Variants in QPRT observed in about 807,000 individuals in gnomAD.
QPRT encodes the protein nicotinate-nucleotide pyrophosphorylase [carboxylating].
A neutral mutation model predicts 19.8 loss-of-function variants in QPRT; 17 were observed. That is an observed-to-expected ratio of 0.86 (90% CI 0.59 to 1.29). QPRT has a LOEUF of 1.29. Among genes scored for constraint, QPRT ranks in the 50% most tolerant of loss-of-function variants. The pLI is 0.00. For synonymous variants in QPRT, 178 were observed against 191.0 expected (o/e 0.93, Z 0.56); for missense variants, 336 against 405.1 (o/e 0.83, Z 1.46).
chr16:29,679,453 A>C (rs1281612524), intron 1 of QPRT, among the ~76,000 whole-genome samples: 1 of 152,104 alleles, frequency 6.6e-6, no homozygotes, highest in Non-Finnish European at 1.5e-5. Context: ...AAGGGGCTTA[A>C]GCCCTAGAAA....
At chr16:29,692,008 C>CGTGCTTGTGCGT (rs1233063689) in intron 1 of QPRT, among the ~76,000 whole-genome samples, 1 of 152,142 alleles carries the variant, frequency 6.6e-6, no homozygotes, top group Non-Finnish European at 1.5e-5. Context: ...GCTGTGTGCG[C>CGTGCTTGTGCGT]GTGCTTGTGC....
intron 1 of QPRT, among the ~76,000 whole-genome samples, chr16:29,687,690 T>G (rs1567329365): frequency 6.6e-6 from 1 of 152,038 alleles, no homozygotes; most frequent in East Asian, 1.9e-4. Flanking sequence ...GTGAGTCTAC[T>G]TTTATTGCCA....
In QPRT at chr16:29,698,642, G is replaced by C. The variant is rs1967626296; in HGVS notation, c.*1231G>C. The C allele has an allele frequency of 6.6e-6, 1 of 152,212 alleles. No individual in the cohort carries two copies. The highest frequency in any genetic ancestry group is 1.5e-5 in the Non-Finnish European group (1 of 68,044). The allele number at this position is 152,212 out of a possible 1,614,324, so 9.4% of individuals were successfully genotyped here. A position where few individuals can be genotyped will look rare whatever the true frequency, so the allele number is the denominator to read the frequency against. On this transcript the variant is annotated 3_prime_UTR_variant, in exon 4 of 4. Coordinates refer to ENST00000395384, the MANE Select transcript of QPRT (RefSeq NM_014298.6). ...AAGAATTTCTTTTTCAGGGATCTCA[G>C]CTATTAAGATGCAAGTCTGCCAATG...
chr16:29,679,124 AC>A, upstream of QPRT: 2 of 1,612,214 alleles, frequency 1.2e-6, no homozygotes, highest in Non-Finnish European at 1.7e-6. Context: ...CCACAGTCCC[AC>A]CCCCAGCCTG....
chr16:29,695,087 T>C lies in QPRT; in HGVS notation c.437T>C (p.Leu146Pro), dbSNP rs1199594326. 3.1e-6 allele frequency: 5 copies of C among 1,605,612 alleles called. No individual in the cohort carries two copies. Among genetic ancestry groups the C allele is most frequent in the Middle Eastern group, 1.7e-4 (1 of 6,046 alleles). ...GTRKTTPGFRLVEKYGLLVGG... is the reference protein window; with the variant it reads ...GTRKTTPGFRPVEKYGLLVGG... ...AGGAAGACCACGCCAGGCTTCCGGC[T>C]GGTGGAGAAGTATGGGCTCCTGGTG... The change falls in exon 2 of 4, where the codon CTG becomes CCG. Residue 146 changes from leucine to proline, a missense_variant. Physicochemically the swap from Leu to Pro is moderately conservative, Grantham distance 98. Transcript: ENST00000395384.
intron 1 of QPRT, among the ~76,000 whole-genome samples, chr16:29,682,727 A>T (rs926400743): frequency 5.3e-5 from 8 of 151,952 alleles, no homozygotes; most frequent in African/African-American, 1.9e-4. Context: ...TTTTACTACA[A>T]CCACAATACT....
At chr16:29,684,515 A>AT (rs1462577731) in intron 1 of QPRT, among the ~76,000 whole-genome samples, 5 of 151,792 alleles carry the variant, frequency 3.3e-5, no homozygotes, top group African/African-American at 7.3e-5. Context: ...CCGGAGTTCA[A>AT]TTTTTGTATT....
chr16:29,694,141 C>T lies in QPRT; in HGVS notation c.14-523C>T, dbSNP rs951119563. 3.2e-4 allele frequency among the ~76,000 whole-genome samples: 47 copies of T among 148,306 alleles called. 1 individual carries two copies. The highest frequency in any genetic ancestry group is 4.7e-4 in the Admixed American group (7 of 14,972). On this transcript the variant is annotated intron_variant, in intron 1 of 3. Coordinates refer to ENST00000395384, the MANE Select transcript of QPRT (RefSeq NM_014298.6). The stretch of plus-strand genomic sequence containing the variant: ...AGAAGTTTAATTTTTTTTTTTGAGA[C>T]GGAGTCTTACTCTGTCACCCCGGCT...
At chr16:29,680,417 A>G (rs1002715061) in intron 1 of QPRT, among the ~76,000 whole-genome samples, 2 of 152,068 alleles carry the variant, frequency 1.3e-5, no homozygotes, top group African/African-American at 2.4e-5. Flanking sequence ...CTGGGGACAC[A>G]ATGGCAATAA....
At chr16:29,681,165 C>T (rs1039454880) in intron 1 of QPRT, among the ~76,000 whole-genome samples, 1 of 151,946 alleles carries the variant, frequency 6.6e-6, no homozygotes, top group African/African-American at 2.4e-5. Context: ...GAAACAACGC[C>T]GACCTGGATG....
At position 29,698,305 on chromosome 16, in the gene QPRT, C is replaced by G. The variant is rs1231457546; in HGVS notation, c.*894C>G. ...TCCTCCCCCCACCTTGCCTAGTTTA[C>G]AAGACAGGAGGAAAGAGAGAAAGCA... is the stretch of plus-strand genomic sequence containing the variant. On this transcript the variant is annotated 3_prime_UTR_variant, in exon 4 of 4. Transcript: ENST00000395384. 2 of 152,224 alleles carry G rather than the reference C, an allele frequency of 1.3e-5. No individual in the cohort carries two copies. Among genetic ancestry groups the G allele is most frequent in the East Asian group, 3.9e-4 (2 of 5,190 alleles). The allele number at this position is 152,224 out of a possible 1,614,324, so 9.4% of individuals were successfully genotyped here. A position where few individuals can be genotyped will look rare whatever the true frequency, so the allele number is the denominator to read the frequency against.
intron 1 of QPRT, among the ~76,000 whole-genome samples, chr16:29,690,188 C>T (rs1010942357): frequency 3.3e-5 from 5 of 152,210 alleles, no homozygotes; most frequent in Admixed American, 3.3e-4. Flanking sequence ...CCATCCATGT[C>T]CCTGCAAAGA....
chr16:29,683,305 C>T (rs944618739), intron 1 of QPRT, among the ~76,000 whole-genome samples: 2 of 151,788 alleles, frequency 1.3e-5, no homozygotes, highest in East Asian at 1.9e-4. Flanking sequence ...GCTGGGATTA[C>T]AGGTGTGACC....
chr16:29,694,971 G>A lies in QPRT; in HGVS notation c.321G>A (p.Thr107=), dbSNP rs761597812. The part of the protein sequence containing the change: ...LLLGERVALN[T]LARCSGIASA... ...TGGGGGAACGGGTGGCCCTCAACACGCTGGCCCGCTGCAGTGGCATTGCCA... is the reference window on the plus strand; with the variant it reads ...TGGGGGAACGGGTGGCCCTCAACACACTGGCCCGCTGCAGTGGCATTGCCA... The change falls in exon 2 of 4, where the codon ACG becomes ACA. Residue 107 remains threonine, a synonymous_variant. Transcript: ENST00000395384. 5.0e-6 allele frequency: 8 copies of A among 1,608,018 alleles called. No homozygotes were observed. Among genetic ancestry groups the A allele is most frequent in the African/African-American group, 2.7e-5 (2 of 74,916 alleles).
chr16:29,695,060 C>T lies in QPRT; in HGVS notation c.410C>T (p.Thr137Met), dbSNP rs759100664. ...GGCTGGACTGGGCACGTGGCAGGCACGAGGAAGACCACGCCAGGCTTCCGG... is the reference window on the plus strand; with the variant it reads ...GGCTGGACTGGGCACGTGGCAGGCATGAGGAAGACCACGCCAGGCTTCCGG... ...GAGWTGHVAG[T>M]RKTTPGFRLV... is the part of the protein sequence containing the mutation. Residue 137 changes from threonine to methionine, a missense_variant, in exon 2 of 4, where the codon ACG (threonine) becomes ATG (methionine). Transcript: ENST00000395384. 12 of 1,605,794 alleles carry T rather than the reference C, an allele frequency of 7.5e-6. No individual in the cohort carries two copies. The highest frequency in any genetic ancestry group is 5.5e-5 in the South Asian group (5 of 90,858).
At position 29,694,764 on chromosome 16, in the gene QPRT, GGCAGGCCCCTC is replaced by G. The variant is rs756261017; in HGVS notation, c.121_131del (p.Pro41GlyfsTer129). On this transcript the variant is annotated frameshift_variant, in exon 2 of 4. Transcript: ENST00000395384. LOFTEE classifies it high-confidence loss of function. ...TCAACTACGCAGCCTTGGTCAGCGG[GGCAGGCCCCTC>G]GCAGGCGGCGCTGTGGGCCAAATCC... 55 of 1,613,266 alleles carry G rather than the reference GGCAGGCCCCTC, an allele frequency of 3.4e-5. No homozygotes were observed. In the South Asian group the frequency reaches 5.5e-4, roughly 16 times the overall value.
chr16:29,687,426 A>G (rs1360429481), intron 1 of QPRT, among the ~76,000 whole-genome samples: 3 of 152,218 alleles, frequency 2.0e-5, no homozygotes, highest in Non-Finnish European at 4.4e-5. Context: ...ATCAGAGCCC[A>G]GGCTCTGGGG....
intron 1 of QPRT, among the ~76,000 whole-genome samples, chr16:29,679,865 TG>T (rs765892590): frequency 9.9e-5 from 15 of 151,596 alleles, no homozygotes; most frequent in Non-Finnish European, 1.9e-4. Flanking sequence ...ACGGTGAAGG[TG>T]GGGGTGTGCG....
intron 1 of QPRT, among the ~76,000 whole-genome samples, chr16:29,685,615 C>A (rs139775438): frequency 5.3e-5 from 8 of 152,274 alleles, no homozygotes; most frequent in Admixed American, 1.3e-4. Context: ...AAGACTACCT[C>A]AGCCTTCTTT....
Sources: gnomAD v4.1 joint callset for allele counts (sites outside exome capture counted in the v4.1 genomes callset) on GRCh38, gnomAD v4.1.1 for gene constraint, MANE v1.5 for transcripts, NCBI Gene and HGNC (gene_info 2026-07-23, HGNC 2026-07-21) for gene names.